Variants in SYT11 observed in about 807,000 individuals in gnomAD.
SYT11 encodes the protein synaptotagmin-11.
In SYT11, 12 loss-of-function variants were observed where a neutral mutation model predicts 30.4. That is an observed-to-expected ratio of 0.39 (90% CI 0.25 to 0.64). The LOEUF (loss-of-function observed/expected upper bound fraction) is 0.64. Among genes scored for constraint, SYT11 ranks in the 30% least tolerant of loss-of-function variants. SYT11 has a pLI of 0.45. For synonymous variants in SYT11, 204 were observed against 216.0 expected (o/e 0.94, Z 0.49); for missense variants, 412 against 552.0 (o/e 0.75, Z 2.54).
chr1:155,871,990 G>A (rs568200478), intron 2 of SYT11, among the ~76,000 whole-genome samples: 1 of 151,908 alleles, frequency 6.6e-6, no homozygotes, highest in Non-Finnish European at 1.5e-5. Context: ...GGCTGTAAAG[G>A]GCTTTTTCCT....
intron 1 of SYT11, among the ~76,000 whole-genome samples, chr1:155,867,395 C>A (rs1672698862): frequency 6.6e-6 from 1 of 152,100 alleles, no homozygotes; most frequent in Admixed American, 6.6e-5. Flanking sequence ...AATTTTGGAA[C>A]ATATTTTAAA....
rs67952920 is a variant in SYT11 at position 155,876,235 on chromosome 1, C to CTTTTTT, written c.862-4247_862-4242dup. Among the ~76,000 whole-genome samples the CTTTTTT allele has an allele frequency of 5.1e-4, 49 of 96,132 alleles. 2 individuals are homozygous for CTTTTTT. The highest frequency in any genetic ancestry group is 1.6e-3 in the East Asian group (4 of 2,578). 63.1% of individuals were successfully genotyped at this position (96,132 alleles called of 152,430 possible). A position where few individuals can be genotyped will look rare whatever the true frequency, so the allele number is the denominator to read the frequency against. On this transcript the variant is annotated intron_variant, in intron 2 of 3. Coordinates refer to ENST00000368324, the MANE Select transcript of SYT11 (RefSeq NM_152280.5). ...TCTACATTCCTCAAAACTCACCTCC[C>CTTTTTT]TTTTTTTTTTTTTTTTTTTTTTTCT...
At chr1:155,863,728 G>T (rs1408476541) in intron 1 of SYT11, among the ~76,000 whole-genome samples, 1 of 151,966 alleles carries the variant, frequency 6.6e-6, no homozygotes, top group Non-Finnish European at 1.5e-5. Context: ...CGAGACCAGC[G>T]TGGCCAATAT....
At chr1:155,866,587 T>G (rs1672680132) in intron 1 of SYT11, among the ~76,000 whole-genome samples, 1 of 152,214 alleles carries the variant, frequency 6.6e-6, no homozygotes, top group South Asian at 2.1e-4. Context: ...GTGTTTATTC[T>G]TACATATTTG....
intron 2 of SYT11, among the ~76,000 whole-genome samples, chr1:155,871,560 C>T (rs1672781406): frequency 6.6e-6 from 1 of 152,216 alleles, no homozygotes; most frequent in African/African-American, 2.4e-5. Flanking sequence ...ACAAAACAGC[C>T]TCAAATCAAG....
chr1:155,872,682 T>C (rs1399168415), intron 2 of SYT11, among the ~76,000 whole-genome samples: 1 of 152,136 alleles, frequency 6.6e-6, no homozygotes, highest in Non-Finnish European at 1.5e-5. Flanking sequence ...CAGCCTTCAA[T>C]GGCTCTTTCA....
At chr1:155,876,497 C>T (rs1279478725) in intron 2 of SYT11, among the ~76,000 whole-genome samples, 1 of 151,942 alleles carries the variant, frequency 6.6e-6, no homozygotes, top group Non-Finnish European at 1.5e-5. Context: ...CCGTCCGCCT[C>T]GGCCTCCCAA....
rs1317836925 is a variant in SYT11, at chr1:155,881,690, G to A, written c.*182G>A. ...CTGCAGATCAGTTCTTAGCAATGAT[G>A]TTTTTTTTTCTGCTTTGCAAGGCGC... On this transcript the variant is annotated 3_prime_UTR_variant, in exon 4 of 4. Transcript: ENST00000368324. 11 of 495,346 alleles carry A rather than the reference G, an allele frequency of 2.2e-5. No individual in the cohort carries two copies. Among genetic ancestry groups the A allele is most frequent in the Non-Finnish European group, 3.9e-5 (11 of 283,418 alleles). The allele number at this position is 495,346 out of a possible 1,614,324, so 30.7% of individuals were successfully genotyped here. A position where few individuals can be genotyped will look rare whatever the true frequency, so the allele number is the denominator to read the frequency against.
At chr1:155,867,392 G>C (rs1672698824) in intron 1 of SYT11, among the ~76,000 whole-genome samples, 1 of 151,958 alleles carries the variant, frequency 6.6e-6, no homozygotes, top group African/African-American at 2.4e-5. Context: ...TAAAATTTTG[G>C]AACATATTTT....
chr1:155,862,362 A>G (rs2102553266), intron 1 of SYT11, among the ~76,000 whole-genome samples: 1 of 152,354 alleles, frequency 6.6e-6, no homozygotes, highest in Non-Finnish European at 1.5e-5. Flanking sequence ...TCTAGGTTTT[A>G]ATATCTTTGA....
chr1:155,881,693 T>G lies in SYT11; in HGVS notation c.*185T>G. 1.9e-6 allele frequency: 1 copy of G among 512,938 alleles called. No individual in the cohort carries two copies. The highest frequency in any genetic ancestry group is 3.4e-6 in the Non-Finnish European group (1 of 293,844). 31.8% of individuals were successfully genotyped at this position (512,938 alleles called of 1,614,324 possible). On this transcript the variant is annotated 3_prime_UTR_variant, in exon 4 of 4. Coordinates refer to ENST00000368324, the MANE Select transcript of SYT11 (RefSeq NM_152280.5). ...CAGATCAGTTCTTAGCAATGATGTTTTTTTTTCTGCTTTGCAAGGCGCTAG... is the reference window on the plus strand; with the variant it reads ...CAGATCAGTTCTTAGCAATGATGTTGTTTTTTCTGCTTTGCAAGGCGCTAG...
intron 2 of SYT11, among the ~76,000 whole-genome samples, chr1:155,872,070 CAAAATAAAAAATAA>C (rs547789944): frequency 2.6e-5 from 4 of 151,060 alleles, no homozygotes; most frequent in South Asian, 2.1e-4. Context: ...GACCCTGTCT[CAAAATAAAAAATAA>C]AAAATAAAAA....
At chr1:155,876,791 A>C (rs966807569) in intron 2 of SYT11, among the ~76,000 whole-genome samples, 1 of 151,112 alleles carries the variant, frequency 6.6e-6, no homozygotes, top group Non-Finnish European at 1.5e-5. Flanking sequence ...AGAACAACGA[A>C]GTCTGCTTTT....
intron 2 of SYT11, among the ~76,000 whole-genome samples, chr1:155,871,418 A>G (rs1031172036): frequency 6.6e-6 from 1 of 152,174 alleles, no homozygotes; most frequent in African/African-American, 2.4e-5. Flanking sequence ...CAACCTTGGT[A>G]AAGTCACCAA....
At chr1:155,872,593 C>T (rs1189615734) in intron 2 of SYT11, among the ~76,000 whole-genome samples, 3 of 152,164 alleles carry the variant, frequency 2.0e-5, no homozygotes, top group Non-Finnish European at 4.4e-5. Context: ...CCTTTCTCCC[C>T]CTTGTCCTTC....
intron 1 of SYT11, among the ~76,000 whole-genome samples, chr1:155,865,489 A>T (rs1449564833): frequency 1.3e-5 from 2 of 151,922 alleles, no homozygotes; most frequent in African/African-American, 4.8e-5. Context: ...TTAGCCGGAC[A>T]TGGTGGCGCA....
chr1:155,879,394 G>C (rs1277157659), intron 2 of SYT11, among the ~76,000 whole-genome samples: 1 of 152,162 alleles, frequency 6.6e-6, no homozygotes, highest in Non-Finnish European at 1.5e-5. Flanking sequence ...TCCAGCCTGG[G>C]CGACAAGAGC....
Position 155,882,642 on chromosome 1 carries a change from A to G in SYT11, c.*1134A>G, listed in dbSNP as rs1265428685. 6.6e-6 allele frequency: 1 copy of G among 152,338 alleles called. No homozygotes were observed. Among genetic ancestry groups the G allele is most frequent in the East Asian group, 1.9e-4 (1 of 5,338 alleles). 9.4% of individuals were successfully genotyped at this position (152,338 alleles called of 1,614,324 possible). ...AGCTTTGGAAACTTCAAATTCAGCT[A>G]TAGGATAGTACCAATGAACACATCC... On this transcript the variant is annotated 3_prime_UTR_variant, in exon 4 of 4. Coordinates refer to ENST00000368324, the MANE Select transcript of SYT11 (RefSeq NM_152280.5).
chr1:155,874,383 T>C (rs1395112601), intron 2 of SYT11, among the ~76,000 whole-genome samples: 1 of 151,836 alleles, frequency 6.6e-6, no homozygotes, highest in East Asian at 1.9e-4. Flanking sequence ...ATAGATCACT[T>C]GAGCCCAGGA....
Sources: gnomAD v4.1 joint callset for allele counts (sites outside exome capture counted in the v4.1 genomes callset) on GRCh38, gnomAD v4.1.1 for gene constraint, MANE v1.5 for transcripts, NCBI Gene and HGNC (gene_info 2026-07-23, HGNC 2026-07-21) for gene names.